Variants in PRKCE observed in about 807,000 individuals in gnomAD.
PRKCE encodes protein kinase C epsilon, also known as protein kinase C epsilon type.
Under a neutral mutation model 85.4 loss-of-function variants are expected in PRKCE, and 16 were observed. The ratio of observed to expected loss-of-function variants is 0.19; its 90% confidence interval spans 0.13 to 0.28. The LOEUF (loss-of-function observed/expected upper bound fraction) is 0.28, where lower values mean the gene tolerates loss of function less well. Ranked by LOEUF, PRKCE falls within the 10% of genes least tolerant of loss-of-function variation. The pLI is 1.00. For missense variants in PRKCE, 573 were observed against 975.2 expected (o/e 0.59, Z 5.49); for synonymous variants, 388 against 371.5 (o/e 1.04, Z -0.51).
chr2:45,916,337 T>TCAAG lies in PRKCE; in HGVS notation c.413-60088_413-60085dup, dbSNP rs200513559. ...TCACTGCAGTCCTGACCTCCTTATCTCAAGCAATCATCCCATCTCAGCTTC... is the reference window on the plus strand; with the variant it reads ...TCACTGCAGTCCTGACCTCCTTATCTCAAGCAAGCAATCATCCCATCTCAGCTTC... On this transcript the variant is annotated intron_variant, in intron 2 of 14. Coordinates refer to ENST00000306156, the MANE Select transcript of PRKCE (RefSeq NM_005400.3). Among the ~76,000 whole-genome samples, 1,024 of 151,458 alleles carry TCAAG rather than the reference T, an allele frequency of 6.8e-3. 7 individuals carry two copies. Among genetic ancestry groups the TCAAG allele is most frequent in the African/African-American group, 0.023 (930 of 41,186 alleles).
At chr2:46,101,324 C>A (rs4953315) in intron 11 of PRKCE, among the ~76,000 whole-genome samples, 40,262 of 152,024 alleles carry the variant, frequency 0.26, 5,573 homozygotes, top group South Asian at 0.42. Context: ...TACAGGGATA[C>A]CTCAGCCAGT....
chr2:45,683,034 G>A (rs1368161433), intron 1 of PRKCE, among the ~76,000 whole-genome samples: 1 of 152,164 alleles, frequency 6.6e-6, no homozygotes, highest in African/African-American at 2.4e-5. Context: ...TTTTTAATGG[G>A]GGAATAGTTT....
intron 10 of PRKCE, among the ~76,000 whole-genome samples, chr2:46,075,684 G>A (rs1030042082): frequency 6.6e-6 from 1 of 152,208 alleles, no homozygotes; most frequent in African/African-American, 2.4e-5. Context: ...GGGAGGCCAA[G>A]GCTGCAGTGA....
intron 1 of PRKCE, among the ~76,000 whole-genome samples, chr2:45,769,971 C>T (rs999739066): frequency 3.9e-5 from 6 of 152,260 alleles, no homozygotes; most frequent in South Asian, 2.1e-4. Context: ...ACGTGCACCC[C>T]GTACTGTCAC....
At chr2:45,831,878 A>T (rs1690451382) in intron 1 of PRKCE, among the ~76,000 whole-genome samples, 1 of 152,230 alleles carries the variant, frequency 6.6e-6, no homozygotes, top group African/African-American at 2.4e-5. Context: ...ATATTTTAAT[A>T]AATAAATAAC....
intron 2 of PRKCE, among the ~76,000 whole-genome samples, chr2:45,933,380 C>T (rs925228426): frequency 6.6e-6 from 1 of 150,830 alleles, no homozygotes; most frequent in Non-Finnish European, 1.5e-5. Context: ...CATTCAAGAA[C>T]AGGCTGCCTA....
intron 11 of PRKCE, among the ~76,000 whole-genome samples, chr2:46,121,731 C>G (rs1399910061): frequency 6.6e-6 from 1 of 152,212 alleles, no homozygotes; most frequent in Non-Finnish European, 1.5e-5. Context: ...TGACAACAGA[C>G]AGGTGTGCCA....
chr2:45,842,962 A>G (rs1422330715), intron 1 of PRKCE, 38 bp from the exon 2 acceptor site: 2 of 1,594,966 alleles, frequency 1.3e-6, no homozygotes, highest in African/African-American at 1.3e-5. Context: ...TGCCCACACA[A>G]TGCACTAACA....
At chr2:45,773,615 A>G (rs529867969) in intron 1 of PRKCE, among the ~76,000 whole-genome samples, 1 of 152,278 alleles carries the variant, frequency 6.6e-6, no homozygotes, top group African/African-American at 2.4e-5. Context: ...TCACTGTGTA[A>G]TTGGGACTTG....
chr2:45,943,645 A>G (rs1700038035), intron 2 of PRKCE, among the ~76,000 whole-genome samples: 1 of 152,084 alleles, frequency 6.6e-6, no homozygotes, highest in African/African-American at 2.4e-5. Context: ...ACTGTCTCAG[A>G]GGCCTTTGAG....
intron 2 of PRKCE, among the ~76,000 whole-genome samples, chr2:45,871,256 T>G (rs1694065872): frequency 1.3e-5 from 2 of 152,244 alleles, no homozygotes; most frequent in South Asian, 4.1e-4. Context: ...GCTCTGGCTT[T>G]GAGAGCATTT....
At chr2:45,810,364 GA>G (rs1558697413) in intron 1 of PRKCE, among the ~76,000 whole-genome samples, 1 of 152,098 alleles carries the variant, frequency 6.6e-6, no homozygotes, top group Non-Finnish European at 1.5e-5. Flanking sequence ...TTAAAAAGAT[GA>G]ACTCTTGACT....
chr2:46,121,683 G>A (rs962786098), intron 11 of PRKCE, among the ~76,000 whole-genome samples: 1 of 152,178 alleles, frequency 6.6e-6, no homozygotes, highest in Non-Finnish European at 1.5e-5. Context: ...GATCATAAAC[G>A]CTAGGCTTTC....
At chr2:45,779,306 T>C (rs1685996953) in intron 1 of PRKCE, among the ~76,000 whole-genome samples, 1 of 152,088 alleles carries the variant, frequency 6.6e-6, no homozygotes, top group Non-Finnish European at 1.5e-5. Context: ...CAAGACTGCT[T>C]GGATGGAAGA....
At chr2:45,728,111 A>C (rs1681243522) in intron 1 of PRKCE, among the ~76,000 whole-genome samples, 1 of 152,082 alleles carries the variant, frequency 6.6e-6, no homozygotes. Flanking sequence ...CCTTCTGTGT[A>C]AGTGTATTTT....
In PRKCE at chr2:45,758,365, TC is replaced by T. The variant is rs796998128; in HGVS notation, c.349-84634del. 4.1e-4 allele frequency among the ~76,000 whole-genome samples: 63 copies of T among 152,356 alleles called. 1 individual carries two copies. The highest frequency in any genetic ancestry group is 1.5e-3 in the African/African-American group (62 of 41,574). On this transcript the variant is annotated intron_variant, in intron 1 of 14. Coordinates refer to ENST00000306156, the MANE Select transcript of PRKCE (RefSeq NM_005400.3). Reference sequence around the variant, plus strand: ...TATTGCTACTGTAATTATTATCTACTCTTGGGGAGAATCTTGAATGCTAGGA... The same window carrying T: ...TATTGCTACTGTAATTATTATCTACTTTGGGGAGAATCTTGAATGCTAGGA...
At chr2:45,870,927 C>T (rs1415470178) in intron 2 of PRKCE, among the ~76,000 whole-genome samples, 4 of 152,158 alleles carry the variant, frequency 2.6e-5, no homozygotes, top group Non-Finnish European at 5.9e-5. Flanking sequence ...CAATGGCACT[C>T]GGGGGGAATG....
At chr2:45,671,938 C>G (rs552584583) in intron 1 of PRKCE, among the ~76,000 whole-genome samples, 1 of 152,008 alleles carries the variant, frequency 6.6e-6, no homozygotes, top group African/African-American at 2.4e-5. Flanking sequence ...CGGCATGCAC[C>G]TGTGGCCCCG....
At chr2:46,065,752 T>C (rs896423745) in intron 10 of PRKCE, among the ~76,000 whole-genome samples, 4 of 152,146 alleles carry the variant, frequency 2.6e-5, no homozygotes, top group Admixed American at 6.5e-5. Flanking sequence ...TCCTAAAATA[T>C]CTTTATTATA....
Sources: allele counts gnomAD v4.1 joint callset (sites outside exome capture counted in the v4.1 genomes callset), GRCh38; gene constraint gnomAD v4.1.1; transcripts MANE v1.5; gene names NCBI Gene and HGNC (gene_info 2026-07-23, HGNC 2026-07-21).